CEP290: variants seen among roughly 807,000 people sequenced by gnomAD.
CEP290 encodes the protein centrosomal protein of 290 kDa.
Under a neutral mutation model 344.9 loss-of-function variants are expected in CEP290, and 317 were observed. The ratio of observed to expected loss-of-function variants is 0.92; its 90% CI spans 0.84 to 1.01. CEP290 has a LOEUF of 1.01. Ranked by LOEUF, CEP290 falls within the 50% of genes least tolerant of loss-of-function variation. The pLI, the probability that CEP290 is intolerant of heterozygous loss-of-function variation, is 0.00. For synonymous variants in CEP290, 932 were observed against 895.8 expected (o/e 1.04, Z -0.72); for missense variants, 2,754 against 2,761.4 (o/e 1.00, Z 0.06).
intron 6 of CEP290, chr12:88,135,645 T>C (rs1055534460): frequency 2.6e-5 from 4 of 152,152 alleles, no homozygotes; most frequent in African/African-American, 7.2e-5. Flanking sequence ...AATACATACA[T>C]GAAGAATGGG....
In CEP290 at chr12:88,117,016, C is replaced by CA. The variant is rs746448124; in HGVS notation, c.1824+16dup. The CA allele has an allele frequency of 4.8e-4, 526 of 1,100,500 alleles. 1 individual carries two copies. The highest frequency in any genetic ancestry group is 6.1e-4 in the Admixed American group (27 of 44,048). 68.2% of individuals were successfully genotyped at this position (1,100,500 alleles called of 1,614,324 possible). A position where few individuals can be genotyped will look rare whatever the true frequency, so the allele number is the denominator to read the frequency against. On this transcript the variant is annotated intron_variant, in intron 18 of 53. Coordinates refer to ENST00000552810, the MANE Select transcript of CEP290 (RefSeq NM_025114.4). The stretch of plus-strand genomic sequence containing the variant: ...AAAATATTTTCCTTTACTCTCTTTG[C>CA]AATACTTTACTATTACCTTTGATTG...
intron 48 of CEP290, among the ~76,000 whole-genome samples, chr12:88,059,352 A>C (rs1167906838): frequency 1.3e-5 from 2 of 152,172 alleles, no homozygotes; most frequent in African/African-American, 2.4e-5. Flanking sequence ...TTGACTTCCT[A>C]ATGCTTACGA....
At chr12:88,137,002 C>T (rs566609763) in intron 5 of CEP290, among the ~76,000 whole-genome samples, 1 of 152,024 alleles carries the variant, frequency 6.6e-6, no homozygotes, top group South Asian at 2.1e-4. Flanking sequence ...CCTGAGCCAC[C>T]CAGAGATGCA....
chr12:88,083,896 A>C lies in CEP290; in HGVS notation c.4763T>G (p.Leu1588Ter), dbSNP rs760653238. The C allele has an allele frequency of 1.9e-6, 3 of 1,600,776 alleles. No individual in the cohort carries two copies. The highest frequency in any genetic ancestry group is 1.7e-5 in the Admixed American group (1 of 58,412). The part of the protein sequence containing the change: ...EEDLHILHHR[L>*]ELQADSSLNK... ...TAGTGAACTATCAGCCTGTAGTTCT[A>C]ATCTGTGATGAAGAATATGAAGGTC... The change falls in exon 36 of 54, where the codon TTA becomes TGA. Residue 1588 changes from leucine to a stop codon, truncating the protein, a stop_gained. Coordinates refer to ENST00000552810, the MANE Select transcript of CEP290 (RefSeq NM_025114.4). LOFTEE classifies it high-confidence loss of function.
At chr12:88,052,664 C>CAT (rs910208144) in intron 52 of CEP290, among the ~76,000 whole-genome samples, 1 of 151,700 alleles carries the variant, frequency 6.6e-6, no homozygotes, top group African/African-American at 2.4e-5. Context: ...TACATACACG[C>CAT]ATATATATAC....
At chr12:88,058,141 C>G (rs1024025685) in intron 49 of CEP290, 1 of 152,168 alleles carries the variant, frequency 6.6e-6, no homozygotes, top group African/African-American at 2.4e-5. Context: ...ACACAAAGAG[C>G]CTTTTACCTA....
chr12:88,063,867 T>C (rs2034680678), intron 45 of CEP290, 114 bp downstream of exon 45: 1 of 835,704 alleles, frequency 1.2e-6, no homozygotes, highest in Non-Finnish European at 1.8e-6. Flanking sequence ...ACCATCACCA[T>C]GATATATTAG....
At chr12:88,131,961 G>A (rs1276967228) in intron 6 of CEP290, among the ~76,000 whole-genome samples, 1 of 152,120 alleles carries the variant, frequency 6.6e-6, no homozygotes, top group African/African-American at 2.4e-5. Context: ...AAATCACACC[G>A]GCCTAGGTTT....
Position 88,079,172 on chromosome 12 carries a change from G to A in CEP290, c.5284C>T (p.Arg1762Cys), listed in dbSNP as rs373307908. The A allele has an allele frequency of 4.4e-5, 70 of 1,600,728 alleles. No homozygotes were observed. Among genetic ancestry groups the A allele is most frequent in the Admixed American group, 1.9e-4 (11 of 57,844 alleles). ...RAEMTAAAEERIISATSQKEA... is the reference protein window; with the variant it reads ...RAEMTAAAEECIISATSQKEA... ...TTTTGAGAAGTTGCAGAAATAATAC[G>A]TTCTTCAGCAGCTGCTGTCATTTCT... Residue 1762 changes from arginine (R) to cysteine (C), a missense_variant, in exon 39 of 54, where the codon CGT (arginine) becomes TGT (cysteine). Transcript: ENST00000552810.
chr12:88,088,094 T>C (rs1420829035), intron 31 of CEP290, 150 bp from the exon 32 acceptor site: 1 of 384,314 alleles, frequency 2.6e-6, no homozygotes, highest in Non-Finnish European at 4.7e-6. Flanking sequence ...CATGACAAAA[T>C]CTTATTTAGG....
rs573085287 is a variant in CEP290 at position 88,086,125 on chromosome 12, T to C, written c.4351A>G (p.Asn1451Asp). 2 of 1,613,312 alleles carry C rather than the reference T, an allele frequency of 1.2e-6. No individual in the cohort carries two copies. The highest frequency in any genetic ancestry group is 2.2e-5 in the East Asian group (1 of 44,822). The change falls in exon 34 of 54, where the codon AAT becomes GAT. Residue 1451 changes from asparagine to aspartate, a missense_variant. Asn to Asp is a conservative substitution (Grantham distance 23). Transcript: ENST00000552810. ...TTCCTTAGAGCGATCTCAAGTTGAT[T>C]TGGAAGGGGCAAACTAGGGTCAGGG... ...SIPDPSLPLP[N>D]QLEIALRKIK...
intron 26 of CEP290, among the ~76,000 whole-genome samples, chr12:88,098,747 G>T (rs968952850): frequency 1.3e-5 from 2 of 152,140 alleles, no homozygotes; most frequent in African/African-American, 4.8e-5. Context: ...TGAACTGTGA[G>T]GTACGAAGTA....
At position 88,129,788 on chromosome 12, in the gene CEP290, ATCT is replaced by A. The variant is rs2138085645; in HGVS notation, c.755_757del (p.Lys252del). 6.7e-7 allele frequency: 1 copy of A among 1,483,806 alleles called. No individual in the cohort carries two copies. Among genetic ancestry groups the A allele is most frequent in the Non-Finnish European group, 9.0e-7 (1 of 1,110,366 alleles). 91.9% of individuals were successfully genotyped at this position (1,483,806 alleles called of 1,614,324 possible). A position where few individuals can be genotyped will look rare whatever the true frequency, so the allele number is the denominator to read the frequency against. ...TTTCATTCTATTATATTCATCAGTC[ATCT>A]TCTCCATTTCCTGTACAGACTCTTC... is the stretch of plus-strand genomic sequence containing the variant. On this transcript the variant is annotated inframe_deletion, in exon 10 of 54. Transcript: ENST00000552810.
At chr12:88,072,935 A>G (rs1350974727) in intron 41 of CEP290, among the ~76,000 whole-genome samples, 1 of 152,170 alleles carries the variant, frequency 6.6e-6, no homozygotes, top group Non-Finnish European at 1.5e-5. Context: ...TAAGTGCTAA[A>G]AAGAAAAAAG....
chr12:88,129,150 G>T (rs941616120), intron 10 of CEP290, 115 bp from the exon 11 acceptor site: 67 of 343,922 alleles, frequency 1.9e-4, no homozygotes, highest in Non-Finnish European at 2.7e-4. Context: ...ACACACATAC[G>T]TATTCATACT....
intron 29 of CEP290, among the ~76,000 whole-genome samples, chr12:88,092,200 T>C (rs2037103821): frequency 6.6e-6 from 1 of 152,254 alleles, no homozygotes; most frequent in Non-Finnish European, 1.5e-5. Flanking sequence ...AGTCAATATA[T>C]GTTTAATACC....
chr12:88,141,239 T>A lies in CEP290; in HGVS notation c.69A>T (p.Glu23Asp). The A allele has an allele frequency of 6.2e-7, 1 of 1,610,854 alleles. No individual in the cohort carries two copies. The highest frequency in any genetic ancestry group is 8.5e-7 in the Non-Finnish European group (1 of 1,178,920). The change falls in exon 2 of 54, where the codon GAA (glutamate) becomes GAT (aspartate). Residue 23 changes from glutamate to aspartate, a missense_variant. By Grantham distance (45) the Glu-to-Asp change is conservative. Coordinates refer to ENST00000552810, the MANE Select transcript of CEP290 (RefSeq NM_025114.4). ...AGGAAATCAATAAATTATCTGCCAG[T>A]TCTTCTTGACGGGGCAGGTCATCTG... ...VDPDDLPRQEELADNLLISLS... is the reference protein window; with the variant it reads ...VDPDDLPRQEDLADNLLISLS...
chr12:88,108,224 TTC>T (rs2038430757), intron 23 of CEP290, among the ~76,000 whole-genome samples: 1 of 152,200 alleles, frequency 6.6e-6, no homozygotes, highest in Non-Finnish European at 1.5e-5. Flanking sequence ...AGCGGTATCA[TTC>T]TCTTTGCAAC....
At position 88,058,985 on chromosome 12, in the gene CEP290, C is replaced by T. The variant is rs748252457; in HGVS notation, c.6681G>A (p.Lys2227=). The T allele has an allele frequency of 6.2e-7, 1 of 1,611,872 alleles. No homozygotes were observed. The highest frequency in any genetic ancestry group is 1.3e-5 in the African/African-American group (1 of 74,838). Residue 2227 remains lysine, a synonymous_variant, in exon 49 of 54, where the codon AAG becomes AAA. Coordinates refer to ENST00000552810, the MANE Select transcript of CEP290 (RefSeq NM_025114.4). The part of the protein sequence containing the change: ...TDAAEKLRIA[K]NNLEILNEKM... ...TCTCATTTAATATCTCTAAATTATT[C>T]TTTGCTATCCGTAATTTCTCTGCAG... is the stretch of plus-strand genomic sequence containing the variant.
Sources: gnomAD v4.1 joint callset for allele counts (sites outside exome capture counted in the v4.1 genomes callset) on GRCh38, gnomAD v4.1.1 for gene constraint, MANE v1.5 for transcripts, NCBI Gene and HGNC (gene_info 2026-07-23, HGNC 2026-07-21) for gene names.